The following PTPRB variants were observed in gnomAD, a reference collection of about 807,000 sequenced individuals.
PTPRB encodes the protein protein tyrosine phosphatase receptor type B.
PTPRB carries 97 observed loss-of-function variants against 238.1 expected under a neutral mutation model. The ratio of observed to expected loss-of-function variants is 0.41; its 90% CI spans 0.35 to 0.48. PTPRB has a LOEUF of 0.48. Ranked by LOEUF, PTPRB falls within the 20% of genes least tolerant of loss-of-function variation. PTPRB has a pLI of 0.30. For synonymous variants in PTPRB, 970 were observed against 995.4 expected (o/e 0.97, Z 0.48); for missense variants, 2,292 against 2,681.9 (o/e 0.85, Z 3.21).
At chr12:70,530,499 CATAT>C (rs551130222) in intron 32 of PTPRB, among the ~76,000 whole-genome samples, 116 of 150,194 alleles carry the variant, frequency 7.7e-4, no homozygotes, top group African/African-American at 2.6e-3. Flanking sequence ...TACACACATA[CATAT>C]ATACATACAC....
chr12:70,544,478 A>T (rs1397461916), intron 22 of PTPRB, 79 bp downstream of exon 22: 13 of 966,100 alleles, frequency 1.3e-5, no homozygotes, highest in Non-Finnish European at 2.1e-5. Context: ...TCCCCCCACC[A>T]TCAGCCAATA....
intron 32 of PTPRB, among the ~76,000 whole-genome samples, chr12:70,527,026 A>G (rs1872545462): frequency 6.6e-6 from 1 of 152,250 alleles, no homozygotes; most frequent in South Asian, 2.1e-4. Context: ...AATGAAAAGT[A>G]GACAAAATAT....
intron 9 of PTPRB, among the ~76,000 whole-genome samples, chr12:70,584,500 C>T (rs1249126528): frequency 1.3e-5 from 2 of 152,098 alleles, no homozygotes; most frequent in Non-Finnish European, 2.9e-5. Context: ...GGCAAAAAAG[C>T]AGTCATAGCA....
intron 16 of PTPRB, among the ~76,000 whole-genome samples, chr12:70,561,530 T>C (rs185658455): frequency 6.6e-6 from 1 of 152,178 alleles, no homozygotes; most frequent in Non-Finnish European, 1.5e-5. Context: ...CCTTTAAGCA[T>C]TAATGAGCAG....
At chr12:70,579,428 G>C (rs1343515453) in intron 10 of PTPRB, among the ~76,000 whole-genome samples, 3 of 152,056 alleles carry the variant, frequency 2.0e-5, no homozygotes, top group African/African-American at 7.3e-5. Flanking sequence ...GCCGGGCGCA[G>C]TGGCTCACAC....
rs116437775 is a variant in PTPRB at position 70,590,290 on chromosome 12, C to T, written c.1781-57G>A. ...ATTACAGACCAAAAGTAAGGATACT[C>T]ATTTACTTTTCTTGGGCAGCAGTAG... On this transcript the variant is annotated intron_variant, in intron 7 of 33. Coordinates refer to ENST00000334414, the MANE Select transcript of PTPRB (RefSeq NM_001109754.4). The T allele has an allele frequency of 6.0e-4, 875 of 1,467,156 alleles. 3 individuals are homozygous for T. The African/African-American group carries it at 0.01, about 17-fold the overall frequency. The allele number at this position is 1,467,156 out of a possible 1,614,324, so 90.9% of individuals were successfully genotyped here.
At chr12:70,620,986 G>T (rs1884904499) in intron 3 of PTPRB, among the ~76,000 whole-genome samples, 1 of 152,204 alleles carries the variant, frequency 6.6e-6, no homozygotes, top group Non-Finnish European at 1.5e-5. Context: ...TACTGTAATT[G>T]TAACTTTAAC....
In PTPRB at chr12:70,571,309, G is replaced by T. The variant is rs766160012; in HGVS notation, c.3107-20C>A. 6.4e-7 allele frequency: 1 copy of T among 1,561,066 alleles called. No homozygotes were observed. Among genetic ancestry groups the T allele is most frequent in the Non-Finnish European group, 8.8e-7 (1 of 1,134,612 alleles). On this transcript the variant is annotated intron_variant, in intron 12 of 33. Transcript: ENST00000334414. ...CTGGAACTAGGGAGAAAAATGAGAA[G>T]ACATTTCAGGAAAGGAACTGATCAG...
At chr12:70,587,565 C>G (rs1054086818) in intron 8 of PTPRB, among the ~76,000 whole-genome samples, 2 of 152,124 alleles carry the variant, frequency 1.3e-5, no homozygotes, top group Admixed American at 6.5e-5. Flanking sequence ...TTACTCCAAT[C>G]TTGTCATTCA....
chr12:70,551,239 G>C (rs755192502), intron 21 of PTPRB, among the ~76,000 whole-genome samples: 1 of 152,138 alleles, frequency 6.6e-6, no homozygotes, highest in South Asian at 2.1e-4. Context: ...CTGGTTTTCT[G>C]ATCTTTCATG....
Position 70,571,878 on chromosome 12 carries a change from C to T in PTPRB, c.3052G>A (p.Val1018Ile). Reference sequence around the variant, plus strand: ...TCATATTGTCCACTTTTTGTAGTAACAGTGACACTGTACAACCGTCCAGGG... The same window carrying T: ...TCATATTGTCCACTTTTTGTAGTAATAGTGACACTGTACAACCGTCCAGGG... The part of the protein sequence containing the change: ...LVPGRLYSVT[V>I]TTKSGQYEAN... The change falls in exon 12 of 34, where the codon GTT (valine) becomes ATT (isoleucine). Residue 1018 changes from valine to isoleucine, a missense_variant. Physicochemically the swap from Val to Ile is conservative, Grantham distance 29. Around this residue, in one of 4 missense-constraint regions of PTPRB, gnomAD observed 1,205 missense variants for 1,287.8 expected, o/e 0.94. Transcript: ENST00000334414. The T allele has an allele frequency of 6.2e-7, 1 of 1,613,944 alleles. No homozygotes were observed. The highest frequency in any genetic ancestry group is 8.5e-7 in the Non-Finnish European group (1 of 1,179,808).
chr12:70,593,624 A>G (rs1382713689), intron 6 of PTPRB, among the ~76,000 whole-genome samples: 1 of 152,084 alleles, frequency 6.6e-6, no homozygotes, highest in Non-Finnish European at 1.5e-5. Flanking sequence ...TTTAAGATAT[A>G]TAGAACATTT....
At position 70,524,899 on chromosome 12, in the gene PTPRB, ATATGTGTATATATG is replaced by A. The variant is rs1478686416; in HGVS notation, c.6505-322_6505-309del. On this transcript the variant is annotated intron_variant, in intron 32 of 33. Transcript: ENST00000334414. ...TGTGTATATATGTATATATGTGTATATATGTGTATATATGTATGTATATATGTGTGTATATGTAT... is the reference window on the plus strand; with the variant it reads ...TGTGTATATATGTATATATGTGTATATATGTATATATGTGTGTATATGTAT... 7.3e-4 allele frequency among the ~76,000 whole-genome samples: 110 copies of A among 150,882 alleles called. 1 individual carries two copies. The highest frequency in any genetic ancestry group is 2.5e-3 in the African/African-American group (101 of 40,792).
intron 15 of PTPRB, among the ~76,000 whole-genome samples, chr12:70,564,518 C>CAA (rs547350945): frequency 1.1e-3 from 116 of 105,962 alleles, no homozygotes; most frequent in Middle Eastern, 6.0e-3. Flanking sequence ...GACTCCATCT[C>CAA]AAAAAAAAAA....
At chr12:70,606,707 T>C (rs1478564761) in intron 4 of PTPRB, among the ~76,000 whole-genome samples, 7 of 152,212 alleles carry the variant, frequency 4.6e-5, no homozygotes, top group Non-Finnish European at 1.0e-4. Flanking sequence ...GCAATTAACA[T>C]AGGGGAATAC....
chr12:70,525,337 C>T (rs990624807), intron 32 of PTPRB: 2 of 152,116 alleles, frequency 1.3e-5, no homozygotes, highest in African/African-American at 4.8e-5. Context: ...GCATACTCTG[C>T]TGGTTTGTTC....
At chr12:70,629,824 G>T (rs1885365805) in intron 2 of PTPRB, among the ~76,000 whole-genome samples, 1 of 152,284 alleles carries the variant, frequency 6.6e-6, no homozygotes, top group South Asian at 2.1e-4. Flanking sequence ...ACACCTCTAT[G>T]CAAATAAAAC....
In PTPRB at chr12:70,637,350, T is replaced by C. The variant is rs1423664000; in HGVS notation, c.46A>G (p.Arg16Gly). 2 of 1,607,862 alleles carry C rather than the reference T, an allele frequency of 1.2e-6. No individual in the cohort carries two copies. The highest frequency in any genetic ancestry group is 2.2e-5 in the South Asian group (2 of 89,352). ...YMVILTCLIFRNSEGFQIVHV... is the reference protein window; with the variant it reads ...YMVILTCLIFGNSEGFQIVHV... ...AGGCAGACCCACTCACCTGAGTTCC[T>C]GAAGATCAAGCAGGTAAGAATCACC... The change falls in exon 1 of 34, where the codon AGG becomes GGG. Residue 16 changes from arginine (R) to glycine (G), a missense_variant. Transcript: ENST00000334414.
At chr12:70,602,791 T>C (rs1186055228) in intron 4 of PTPRB, among the ~76,000 whole-genome samples, 1 of 152,140 alleles carries the variant, frequency 6.6e-6, no homozygotes, top group Non-Finnish European at 1.5e-5. Context: ...AGTTTTTCCA[T>C]ATAAAAGGAA....
Sources: allele counts gnomAD v4.1 joint callset (sites outside exome capture counted in the v4.1 genomes callset), GRCh38; gene constraint gnomAD v4.1.1; regional missense constraint gnomAD v4.1.1; transcripts MANE v1.5; gene names NCBI Gene and HGNC (gene_info 2026-07-23, HGNC 2026-07-21).